Variants in H6PD observed in about 807,000 individuals in gnomAD.
H6PD encodes GDH/6PGL endoplasmic bifunctional protein.
H6PD carries 48 observed loss-of-function variants against 61.2 expected under a neutral mutation model. That is an observed-to-expected ratio of 0.78 (90% CI 0.62 to 1.00). The LOEUF is 1.00. Among genes scored for constraint, H6PD ranks in the 50% least tolerant of loss-of-function variants. The pLI, the probability that H6PD is intolerant of heterozygous loss-of-function variation, is 0.00. For synonymous variants in H6PD, 480 were observed against 457.9 expected (o/e 1.05, Z -0.62); for missense variants, 1,093 against 1,065.0 (o/e 1.03, Z -0.37).
Position 9,264,287 on chromosome 1 carries a change from G to A in H6PD, c.1794G>A (p.Leu598=). The change falls in exon 5 of 5, where the codon CTG becomes CTA. Residue 598 remains leucine, a synonymous_variant. Transcript: ENST00000377403. ...ALSGGSSPVA[L]FQQLATAHYG... ...CGGGGGGCTCGAGCCCCGTGGCCCT[G>A]TTCCAGCAGCTGGCCACGGCGCACT... 2.5e-6 allele frequency: 4 copies of A among 1,610,850 alleles called. No homozygotes were observed. Among genetic ancestry groups the A allele is most frequent in the Non-Finnish European group, 3.4e-6 (4 of 1,179,630 alleles).
In H6PD at chr1:9,264,230, G is replaced by T; in HGVS notation, c.1737G>T (p.Val579=). The T allele has an allele frequency of 6.2e-7, 1 of 1,610,654 alleles. No homozygotes were observed. The part of the protein sequence containing the change: ...NDIEATAVRA[V]RRFGQFHLAL... ...TCGAGGCCACCGCTGTGCGAGCCGT[G>T]CGGCGCTTTGGCCAGTTCCACCTGG... The change falls in exon 5 of 5, where the codon GTG becomes GTT. Residue 579 remains valine, a synonymous_variant. Transcript: ENST00000377403.
chr1:9,258,192 G>A (rs917932029), intron 3 of H6PD, among the ~76,000 whole-genome samples: 4 of 152,336 alleles, frequency 2.6e-5, no homozygotes, highest in East Asian at 3.9e-4. Context: ...TTGTTACACC[G>A]GTGTTGTTAC....
intron 1 of H6PD, among the ~76,000 whole-genome samples, chr1:9,235,833 A>G (rs1041551689): frequency 6.6e-6 from 1 of 152,122 alleles, no homozygotes; most frequent in African/African-American, 2.4e-5. Flanking sequence ...GCTGGTCTCG[A>G]ACTCCTGGGC....
intron 4 of H6PD, among the ~76,000 whole-genome samples, chr1:9,262,640 G>A (rs971946462): frequency 1.3e-5 from 2 of 152,138 alleles, no homozygotes; most frequent in African/African-American, 4.8e-5. Flanking sequence ...TGCCTCATAG[G>A]GTCTCCCCAG....
chr1:9,245,925 C>T lies in H6PD; in HGVS notation c.627+364C>T, dbSNP rs979163266. The stretch of plus-strand genomic sequence containing the variant: ...GGTGTGCTGTGGGAATCAGAATGAG[C>T]TCTCTTCTCCTGCACCCATCCACCT... On this transcript the variant is annotated intron_variant, in intron 2 of 4. Transcript: ENST00000377403. This position sits in a 1 kb window ranked among gnomAD's most constrained non-coding sequence, Gnocchi z 4.8. Among the ~76,000 whole-genome samples, 4 of 151,810 alleles carry T rather than the reference C, an allele frequency of 2.6e-5. No individual in the cohort carries two copies. Among genetic ancestry groups the T allele is most frequent in the African/African-American group, 9.7e-5 (4 of 41,410 alleles).
intron 3 of H6PD, among the ~76,000 whole-genome samples, chr1:9,250,307 T>C (rs1641318128): frequency 6.6e-6 from 1 of 151,968 alleles, no homozygotes; most frequent in Admixed American, 6.6e-5. Context: ...CAAGGCAGGA[T>C]TCGGAGCCCG....
Position 9,264,285 on chromosome 1 carries a change from C to G in H6PD, c.1792C>G (p.Leu598Val), listed in dbSNP as rs756336095. ...ALSGGSSPVA[L>V]FQQLATAHYG... ...GTCGGGGGGCTCGAGCCCCGTGGCCCTGTTCCAGCAGCTGGCCACGGCGCA... is the reference window on the plus strand; with the variant it reads ...GTCGGGGGGCTCGAGCCCCGTGGCCGTGTTCCAGCAGCTGGCCACGGCGCA... The change falls in exon 5 of 5, where the codon CTG becomes GTG. Residue 598 changes from leucine (L) to valine (V), a missense_variant. Physicochemically the swap from Leu to Val is conservative, Grantham distance 32. Transcript: ENST00000377403. 1 of 1,610,778 alleles carries G rather than the reference C, an allele frequency of 6.2e-7. No homozygotes were observed. Among genetic ancestry groups the G allele is most frequent in the South Asian group, 1.1e-5 (1 of 91,014 alleles).
chr1:9,237,360 G>C (rs556259298), intron 1 of H6PD, among the ~76,000 whole-genome samples: 3 of 143,338 alleles, frequency 2.1e-5, no homozygotes, highest in African/African-American at 7.8e-5. Flanking sequence ...AGCCTCCCAA[G>C]TAGCTGGGAT....
At chr1:9,235,502 C>G (rs1640826833) in intron 1 of H6PD, among the ~76,000 whole-genome samples, 1 of 152,212 alleles carries the variant, frequency 6.6e-6, no homozygotes, top group Non-Finnish European at 1.5e-5. Context: ...CCCACTCCCC[C>G]TGCACCCACA....
At position 9,245,024 on chromosome 1, in the gene H6PD, G is replaced by A. The variant is rs911676820; in HGVS notation, c.90G>A (p.Leu30=). 6.2e-6 allele frequency: 10 copies of A among 1,614,086 alleles called. No homozygotes were observed. In the African/African-American group the frequency reaches 1.1e-4, roughly 17 times the overall value. Residue 30 remains leucine, a synonymous_variant, in exon 2 of 5, where the codon CTG becomes CTA. Transcript: ENST00000377403. This position sits in a 1 kb window ranked among gnomAD's most constrained non-coding sequence, Gnocchi z 4.8. ...QELQGHVSII[L]LGATGDLAKK... ...TCCAGGGACATGTCTCCATAATCCT[G>A]CTGGGAGCAACTGGGGACCTGGCTA...
chr1:9,240,609 C>T (rs2268174), intron 1 of H6PD, among the ~76,000 whole-genome samples: 2 of 151,996 alleles, frequency 1.3e-5, no homozygotes, highest in Non-Finnish European at 2.9e-5. Context: ...ATTCGGGTTC[C>T]CAGTGTAATG....
Position 9,267,883 on chromosome 1 carries a change from A to T in H6PD, c.*3014A>T, listed in dbSNP as rs571949470. ...TGTTCCAAGCAGGTTTCATAAAGAA[A>T]TTCTTAACCTTAGAACCTCGGATAT... On this transcript the variant is annotated 3_prime_UTR_variant, in exon 5 of 5. Coordinates refer to ENST00000377403, the MANE Select transcript of H6PD (RefSeq NM_004285.4). 2 of 152,322 alleles carry T rather than the reference A, an allele frequency of 1.3e-5. No homozygotes were observed. The highest frequency in any genetic ancestry group is 4.8e-5 in the African/African-American group (2 of 41,562). 9.4% of individuals were successfully genotyped at this position (152,322 alleles called of 1,614,324 possible).
Position 9,245,452 on chromosome 1 carries a change from A to G in H6PD, c.518A>G (p.Glu173Gly), listed in dbSNP as rs763474728. 10 of 1,614,134 alleles carry G rather than the reference A, an allele frequency of 6.2e-6. No individual in the cohort carries two copies. The highest frequency in any genetic ancestry group is 8.5e-6 in the Non-Finnish European group (10 of 1,180,018). ...GPGAWLRVVL[E>G]KPFGHDHFSA... ...GGCGCCTGGCTGCGGGTTGTCCTTGAGAAACCCTTTGGCCATGACCACTTC... is the reference window on the plus strand; with the variant it reads ...GGCGCCTGGCTGCGGGTTGTCCTTGGGAAACCCTTTGGCCATGACCACTTC... The change falls in exon 2 of 5, where the codon GAG (glutamate) becomes GGG (glycine). Residue 173 changes from glutamate to glycine, a missense_variant. Glu to Gly is a moderately conservative substitution (Grantham distance 98). Coordinates refer to ENST00000377403, the MANE Select transcript of H6PD (RefSeq NM_004285.4). The surrounding 1 kb of genome is among the most constrained non-coding windows in gnomAD (Gnocchi z 4.8).
At position 9,243,440 on chromosome 1, in the gene H6PD, C is replaced by T. The variant is rs371298884; in HGVS notation, c.-10-1485C>T. Among the ~76,000 whole-genome samples, 8 of 152,302 alleles carry T rather than the reference C, an allele frequency of 5.3e-5. No homozygotes were observed. The South Asian group carries it at 6.2e-4, about 12-fold the overall frequency. On this transcript the variant is annotated intron_variant, in intron 1 of 4. Transcript: ENST00000377403. ...CGCTAAATCAGCCATTCAGTTCCTTCGTCACTGCTCCCACCTGCAGGCTGA... is the reference window on the plus strand; with the variant it reads ...CGCTAAATCAGCCATTCAGTTCCTTTGTCACTGCTCCCACCTGCAGGCTGA...
intron 3 of H6PD, among the ~76,000 whole-genome samples, chr1:9,256,030 T>TA (rs1641506080): frequency 4.6e-5 from 7 of 152,236 alleles, no homozygotes; most frequent in Admixed American, 4.6e-4. Context: ...TTTTACCTCT[T>TA]TACCAGCTGT....
At position 9,265,079 on chromosome 1, in the gene H6PD, A is replaced by G; in HGVS notation, c.*210A>G. ...TGGTGGATAGATGCAGAAACAAGGA[A>G]GAAATGGAGTCTGCTCCTGAGAAGC... On this transcript the variant is annotated 3_prime_UTR_variant, in exon 5 of 5. Coordinates refer to ENST00000377403, the MANE Select transcript of H6PD (RefSeq NM_004285.4). The G allele has an allele frequency of 1.6e-6, 1 of 629,484 alleles. No homozygotes were observed. The highest frequency in any genetic ancestry group is 1.8e-5 in the African/African-American group (1 of 55,142). The allele number at this position is 629,484 out of a possible 1,614,324, so 39.0% of individuals were successfully genotyped here.
At chr1:9,241,520 C>T (rs986164297) in intron 1 of H6PD, among the ~76,000 whole-genome samples, 2 of 152,180 alleles carry the variant, frequency 1.3e-5, no homozygotes, top group Non-Finnish European at 2.9e-5. Context: ...CCTCAGCCTC[C>T]TGAGTAGCTG....
chr1:9,240,609 C>A (rs2268174), intron 1 of H6PD, among the ~76,000 whole-genome samples: 38,548 of 152,042 alleles, frequency 0.25, 6,394 homozygotes, highest in African/African-American at 0.47. Flanking sequence ...ATTCGGGTTC[C>A]CAGTGTAATG....
chr1:9,244,933 G>A lies in H6PD; in HGVS notation c.-2G>A, dbSNP rs760009659. 3.1e-5 allele frequency: 50 copies of A among 1,604,966 alleles called. No homozygotes were observed. Among genetic ancestry groups the A allele is most frequent in the Non-Finnish European group, 4.2e-5 (49 of 1,173,134 alleles). On this transcript the variant is annotated 5_prime_UTR_variant, in exon 2 of 5. Transcript: ENST00000377403. ...CTCTCTTTGCACCCCAGGCACCCAG[G>A]CATGTGGAATATGCTCATAGTGGCG...
Sources: gnomAD v4.1 joint callset for allele counts (sites outside exome capture counted in the v4.1 genomes callset) on GRCh38, gnomAD v4.1.1 for gene constraint, Gnocchi (gnomAD v3.1) non-coding constraint, MANE v1.5 for transcripts, NCBI Gene and HGNC (gene_info 2026-07-23, HGNC 2026-07-21) for gene names.